ADAM10: variants seen among roughly 807,000 people sequenced by gnomAD.
The protein encoded by ADAM10 is disintegrin and metalloproteinase domain-containing protein 10.
A neutral mutation model predicts 90.1 loss-of-function variants in ADAM10; 17 were observed. The observed-to-expected ratio is 0.19, with a 90% CI of 0.13 to 0.28. The LOEUF is 0.28. ADAM10 is among the 10% of genes least tolerant of loss of function. The probability of loss-of-function intolerance (pLI) is 1.00; values close to 1 mark genes in which losing one functional copy is unlikely to be tolerated. For synonymous variants in ADAM10, 310 were observed against 298.6 expected (o/e 1.04, Z -0.40); for missense variants, 610 against 914.3 (o/e 0.67, Z 4.29).
Position 58,596,581 on chromosome 15 carries a change from A to G in ADAM10, c.*966T>C, listed in dbSNP as rs201093287. 2.0e-5 allele frequency: 3 copies of G among 152,656 alleles called. No homozygotes were observed. Among genetic ancestry groups the G allele is most frequent in the Non-Finnish European group, 4.4e-5 (3 of 68,036 alleles). 9.5% of individuals were successfully genotyped at this position (152,656 alleles called of 1,614,324 possible). On this transcript the variant is annotated 3_prime_UTR_variant, in exon 16 of 16. Coordinates refer to ENST00000260408, the MANE Select transcript of ADAM10 (RefSeq NM_001110.4). Reference sequence around the variant, plus strand: ...AGAAAACATAATTAGCATATTTCAGATATATGAAAAACACAAATAAGTAGG... The same window carrying G: ...AGAAAACATAATTAGCATATTTCAGGTATATGAAAAACACAAATAAGTAGG...
At chr15:58,717,072 A>C (rs1282356348) in intron 2 of ADAM10, among the ~76,000 whole-genome samples, 1 of 152,142 alleles carries the variant, frequency 6.6e-6, no homozygotes, top group East Asian at 1.9e-4. Context: ...ACAGGTACTC[A>C]ATAAGTGATT....
chr15:58,650,626 G>C (rs1338852153), intron 5 of ADAM10, among the ~76,000 whole-genome samples: 1 of 152,142 alleles, frequency 6.6e-6, no homozygotes, highest in Middle Eastern at 3.4e-3. Flanking sequence ...CTGGAGAAAA[G>C]GTAGAACCAA....
intron 14 of ADAM10, 169 bp downstream of exon 14, chr15:58,610,128 C>G (rs778414026): frequency 2.9e-6 from 2 of 699,398 alleles, no homozygotes; most frequent in East Asian, 5.5e-5. Context: ...ATTCTGATCA[C>G]TTCAGAAGGA....
intron 2 of ADAM10, among the ~76,000 whole-genome samples, chr15:58,684,610 C>A (rs761985451): frequency 6.6e-6 from 1 of 152,200 alleles, no homozygotes. Flanking sequence ...CTCTGTGCTG[C>A]CTCCCACATT....
At chr15:58,714,702 A>C (rs1898598089) in intron 2 of ADAM10, among the ~76,000 whole-genome samples, 2 of 152,126 alleles carry the variant, frequency 1.3e-5, no homozygotes, top group African/African-American at 4.8e-5. Context: ...AATAAAAATA[A>C]AACATATTCG....
chr15:58,676,020 T>G (rs532738811), intron 4 of ADAM10: 1 of 191,120 alleles, frequency 5.2e-6, no homozygotes, highest in East Asian at 1.5e-4. Flanking sequence ...ATAAAAATAA[T>G]AATACACATT....
At position 58,597,484 on chromosome 15, in the gene ADAM10, T is replaced by C. The variant is rs751288849; in HGVS notation, c.*63A>G. The C allele has an allele frequency of 6.2e-7, 1 of 1,612,986 alleles. No homozygotes were observed. Among genetic ancestry groups the C allele is most frequent in the Non-Finnish European group, 8.5e-7 (1 of 1,179,484 alleles). ...AGTTTGGAGATGATGACTTAATAGG[T>C]TTCTCTTTGGAGTGAAGTTTTCCCA... is the stretch of plus-strand genomic sequence containing the variant. On this transcript the variant is annotated 3_prime_UTR_variant, in exon 16 of 16. Coordinates refer to ENST00000260408, the MANE Select transcript of ADAM10 (RefSeq NM_001110.4).
At chr15:58,678,659 C>G (rs957416382) in intron 4 of ADAM10, among the ~76,000 whole-genome samples, 1 of 152,090 alleles carries the variant, frequency 6.6e-6, no homozygotes, top group Non-Finnish European at 1.5e-5. Context: ...GAAGTCAAGT[C>G]ATTACCTTAA....
chr15:58,638,187 C>T (rs1202949600), intron 8 of ADAM10, among the ~76,000 whole-genome samples: 1 of 151,332 alleles, frequency 6.6e-6, no homozygotes, highest in Non-Finnish European at 1.5e-5. Flanking sequence ...GTAATGGAAG[C>T]GGACATCTAA....
In ADAM10 at chr15:58,588,885, C is replaced by A. The variant is rs1300999801; in HGVS notation, c.*8662G>T. The A allele has an allele frequency of 1.3e-5, 2 of 152,146 alleles. No individual in the cohort carries two copies. The highest frequency in any genetic ancestry group is 2.9e-5 in the Non-Finnish European group (2 of 68,034). The allele number at this position is 152,146 out of a possible 1,614,324, so 9.4% of individuals were successfully genotyped here. ...CCTATCAGGAGTTGTTACTTACATG[C>A]CCCAAAGCTAAGTTATGCCTTTCCC... On this transcript the variant is annotated 3_prime_UTR_variant, in exon 16 of 16. Coordinates refer to ENST00000260408, the MANE Select transcript of ADAM10 (RefSeq NM_001110.4).
chr15:58,677,795 A>G (rs1897330431), intron 4 of ADAM10, among the ~76,000 whole-genome samples: 1 of 152,170 alleles, frequency 6.6e-6, no homozygotes, highest in Non-Finnish European at 1.5e-5. Flanking sequence ...CCAGTATTTC[A>G]TTAAGTATTT....
intron 5 of ADAM10, among the ~76,000 whole-genome samples, chr15:58,649,799 G>C (rs1252801984): frequency 1.3e-5 from 2 of 152,128 alleles, no homozygotes; most frequent in Non-Finnish European, 2.9e-5. Context: ...CCTAATTACA[G>C]GGCTTAATGA....
At position 58,593,115 on chromosome 15, in the gene ADAM10, C is replaced by T. The variant is rs1894859997; in HGVS notation, c.*4432G>A. On this transcript the variant is annotated 3_prime_UTR_variant, in exon 16 of 16. Coordinates refer to ENST00000260408, the MANE Select transcript of ADAM10 (RefSeq NM_001110.4). ...GTGCATATTATGTTTTTGTCACACA[C>T]ATAGAAAAAAAGTAACAAAGGCCAG... 8.3e-6 allele frequency: 1 copy of T among 120,376 alleles called. No homozygotes were observed. The highest frequency in any genetic ancestry group is 1.7e-5 in the Non-Finnish European group (1 of 59,304). The allele number at this position is 120,376 out of a possible 1,614,324, so 7.5% of individuals were successfully genotyped here.
intron 3 of ADAM10, among the ~76,000 whole-genome samples, chr15:58,679,675 T>G (rs1264662520): frequency 6.6e-6 from 1 of 152,070 alleles, no homozygotes; most frequent in Non-Finnish European, 1.5e-5. Context: ...GGGGCCGAGG[T>G]GGGCAGATCA....
chr15:58,640,962 T>TA lies in ADAM10; in HGVS notation c.829-3dup. 6.2e-7 allele frequency: 1 copy of TA among 1,613,176 alleles called. No homozygotes were observed. The highest frequency in any genetic ancestry group is 8.5e-7 in the Non-Finnish European group (1 of 1,179,140). ...CTTCTCATCAGCAGTTGTATTGATC[T>TA]AAAATCCAAAACAATAATTTAGTAA... is the stretch of plus-strand genomic sequence containing the variant. On this transcript the variant is annotated splice_region_variant and splice_polypyrimidine_tract_variant and intron_variant, in intron 7 of 15. Transcript: ENST00000260408.
At chr15:58,614,912 G>C (rs1467894305) in intron 11 of ADAM10, among the ~76,000 whole-genome samples, 1 of 152,002 alleles carries the variant, frequency 6.6e-6, no homozygotes, top group Non-Finnish European at 1.5e-5. Context: ...TACCACTACA[G>C]AAAACTACCA....
intron 1 of ADAM10, among the ~76,000 whole-genome samples, chr15:58,734,698 T>A (rs1298521923): frequency 1.4e-5 from 2 of 144,402 alleles, no homozygotes; most frequent in Non-Finnish European, 3.0e-5. Flanking sequence ...AGACCCTGTC[T>A]CAAAATTAAA....
intron 11 of ADAM10, 134 bp downstream of exon 11, chr15:58,621,337 A>T: frequency 9.1e-7 from 1 of 1,101,010 alleles, no homozygotes; most frequent in East Asian, 2.4e-5. Context: ...ACTACTTCAG[A>T]AAAAGAAAAC....
intron 4 of ADAM10, among the ~76,000 whole-genome samples, chr15:58,671,419 C>T (rs1596051290): frequency 6.6e-6 from 1 of 152,318 alleles, no homozygotes; most frequent in Admixed American, 6.5e-5. Context: ...CCAATGTCCT[C>T]AGGCACTCTT....
Sources: gnomAD v4.1 joint callset for allele counts (sites outside exome capture counted in the v4.1 genomes callset) on GRCh38, gnomAD v4.1.1 for gene constraint, MANE v1.5 for transcripts, NCBI Gene and HGNC (gene_info 2026-07-23, HGNC 2026-07-21) for gene names.